The following COL19A1 variants were observed in gnomAD, a reference collection of about 807,000 sequenced individuals.
COL19A1 encodes collagen type XIX alpha 1 chain.
In COL19A1, 159 loss-of-function variants were observed where a neutral mutation model predicts 190.2. That is an observed-to-expected ratio of 0.84 (90% CI 0.73 to 0.95). The LOEUF (loss-of-function observed/expected upper bound fraction) is 0.95. Among genes scored for constraint, COL19A1 ranks in the 40% least tolerant of loss-of-function variants. The pLI, the probability that COL19A1 is intolerant of heterozygous loss-of-function variation, is 0.00. For missense variants in COL19A1, 1,418 were observed against 1,431.9 expected, an observed-to-expected ratio of 0.99 and a Z score of 0.16; for synonymous variants, 509 against 458.9, an observed-to-expected ratio of 1.11 and a Z score of -1.39.
chr6:69,899,615 T>G (rs1269647640), intron 3 of COL19A1, among the ~76,000 whole-genome samples: 1 of 152,194 alleles, frequency 6.6e-6, no homozygotes, highest in Non-Finnish European at 1.5e-5. Flanking sequence ...AAAAAATTTG[T>G]GAGAAGGAAG....
intron 11 of COL19A1, among the ~76,000 whole-genome samples, chr6:70,005,577 G>A (rs563306716): frequency 6.6e-6 from 1 of 152,286 alleles, no homozygotes; most frequent in South Asian, 2.1e-4. Flanking sequence ...CCTGATGCCA[G>A]TAGGATTGCT....
intron 12 of COL19A1, among the ~76,000 whole-genome samples, chr6:70,030,023 C>T (rs573645524): frequency 6.6e-6 from 1 of 152,248 alleles, no homozygotes; most frequent in South Asian, 2.1e-4. Flanking sequence ...ACATAAAAGG[C>T]CATTCGTCTT....
chr6:70,103,656 A>G lies in COL19A1; in HGVS notation c.1278+1434A>G, dbSNP rs568252310. ...CAAATGTTCTCCAGTAGGCCTATATATGCTTCTCTCTATCTTCATGACTCA... is the reference window on the plus strand; with the variant it reads ...CAAATGTTCTCCAGTAGGCCTATATGTGCTTCTCTCTATCTTCATGACTCA... On this transcript the variant is annotated intron_variant, in intron 16 of 50. Coordinates refer to ENST00000620364, the MANE Select transcript of COL19A1 (RefSeq NM_001858.6). 7.9e-5 allele frequency among the ~76,000 whole-genome samples: 12 copies of G among 152,204 alleles called. No homozygotes were observed. In the East Asian group the frequency reaches 1.9e-3, roughly 25 times the overall value.
chr6:70,166,908 T>C (rs566487814), intron 37 of COL19A1, among the ~76,000 whole-genome samples: 4 of 152,294 alleles, frequency 2.6e-5, no homozygotes, highest in African/African-American at 7.2e-5. Flanking sequence ...ATAACATGAG[T>C]TCATGAAAGG....
chr6:70,190,476 C>T (rs1188406972), intron 48 of COL19A1, 95 bp downstream of exon 48: 6 of 812,158 alleles, frequency 7.4e-6, no homozygotes, highest in African/African-American at 1.7e-5. Flanking sequence ...CGAAAGATGG[C>T]CATGCCACAA....
intron 4 of COL19A1, among the ~76,000 whole-genome samples, chr6:69,906,279 C>G (rs562939794): frequency 6.6e-6 from 1 of 152,126 alleles, no homozygotes; most frequent in African/African-American, 2.4e-5. Context: ...CTTGACTGGC[C>G]GATGAAGAAA....
At chr6:70,006,301 G>C (rs1403678465) in intron 11 of COL19A1, among the ~76,000 whole-genome samples, 1 of 152,192 alleles carries the variant, frequency 6.6e-6, no homozygotes, top group Non-Finnish European at 1.5e-5. Context: ...TTGCGAGTGG[G>C]ATTTTCCCAT....
intron 24 of COL19A1, among the ~76,000 whole-genome samples, 179 bp from the exon 25 acceptor site, chr6:70,144,739 G>T (rs1284438767): frequency 6.6e-6 from 1 of 152,090 alleles, no homozygotes; most frequent in African/African-American, 2.4e-5. Context: ...CACTGAACAG[G>T]CATGAATTAG....
chr6:70,123,779 G>A (rs1377394708), intron 17 of COL19A1, among the ~76,000 whole-genome samples: 2 of 144,794 alleles, frequency 1.4e-5, no homozygotes, highest in South Asian at 2.2e-4. Flanking sequence ...CATGGACACA[G>A]GAAGGGGAAT....
At chr6:70,054,384 T>G (rs897879422) in intron 14 of COL19A1, among the ~76,000 whole-genome samples, 1 of 152,148 alleles carries the variant, frequency 6.6e-6, no homozygotes, top group African/African-American at 2.4e-5. Context: ...TTTCACATGA[T>G]ATGAATAGCC....
chr6:69,970,017 G>A (rs951012892), intron 11 of COL19A1, among the ~76,000 whole-genome samples: 4 of 152,102 alleles, frequency 2.6e-5, no homozygotes, highest in African/African-American at 9.7e-5. Context: ...TGTTCTACTG[G>A]CCAAAGCCAG....
intron 7 of COL19A1, among the ~76,000 whole-genome samples, chr6:69,933,155 C>T (rs1339429877): frequency 1.3e-5 from 2 of 152,026 alleles, no homozygotes; most frequent in Non-Finnish European, 2.9e-5. Context: ...GCATCATTTC[C>T]AGTTACAGAA....
intron 46 of COL19A1, among the ~76,000 whole-genome samples, chr6:70,186,717 C>T (rs1766539854): frequency 6.6e-6 from 1 of 152,132 alleles, no homozygotes; most frequent in Non-Finnish European, 1.5e-5. Context: ...TGATCTCTCT[C>T]TCTCTCTCTC....
intron 4 of COL19A1, among the ~76,000 whole-genome samples, chr6:69,915,969 T>TG (rs969764225): frequency 5.4e-5 from 8 of 147,590 alleles, no homozygotes; most frequent in Non-Finnish European, 1.0e-4. Flanking sequence ...GACAGAGTCT[T>TG]GCTGTCGCCC....
intron 9 of COL19A1, among the ~76,000 whole-genome samples, chr6:69,941,850 G>A (rs1330472372): frequency 1.3e-5 from 2 of 151,948 alleles, no homozygotes; most frequent in African/African-American, 4.8e-5. Context: ...CATCATGCCT[G>A]GCTAATTTTT....
intron 23 of COL19A1, 123 bp downstream of exon 23, chr6:70,142,943 T>C: frequency 1.2e-6 from 1 of 859,832 alleles, no homozygotes; most frequent in Non-Finnish European, 1.8e-6. Flanking sequence ...GGGTCATCTA[T>C]GCCACAAAAA....
chr6:69,898,867 T>C (rs896886278), intron 2 of COL19A1, 81 bp from the exon 3 acceptor site: 68 of 827,244 alleles, frequency 8.2e-5, no homozygotes, highest in Non-Finnish European at 1.1e-4. Flanking sequence ...ATTTCCATTT[T>C]ATCTTAAGTT....
intron 17 of COL19A1, among the ~76,000 whole-genome samples, chr6:70,123,185 C>T (rs2150213733): frequency 6.6e-6 from 1 of 152,204 alleles, no homozygotes; most frequent in African/African-American, 2.4e-5. Context: ...GACATTTATG[C>T]AGCCAAAAAA....
intron 11 of COL19A1, among the ~76,000 whole-genome samples, chr6:69,999,413 G>A (rs773771053): frequency 1.4e-4 from 21 of 151,996 alleles, no homozygotes; most frequent in Non-Finnish European, 2.8e-4. Context: ...GCATGCCTGT[G>A]GTCCCAACTA....
Sources: allele counts gnomAD v4.1 joint callset (sites outside exome capture counted in the v4.1 genomes callset), GRCh38; gene constraint gnomAD v4.1.1; transcripts MANE v1.5; gene names NCBI Gene and HGNC (gene_info 2026-07-23, HGNC 2026-07-21).